DIS3L: variants seen among roughly 807,000 people sequenced by gnomAD.
The protein encoded by DIS3L is DIS3 like exosome 3'-5' exoribonuclease.
In DIS3L, 100 loss-of-function variants were observed where a neutral mutation model predicts 120.3. The observed-to-expected ratio is 0.83, with a 90% CI of 0.71 to 0.98. The LOEUF (loss-of-function observed/expected upper bound fraction) is 0.98, where lower values mean the gene tolerates loss of function less well. Among genes scored for constraint, DIS3L ranks in the 50% least tolerant of loss-of-function variants. The pLI is 0.00. For missense variants in DIS3L, 1,196 were observed against 1,314.2 expected, an observed-to-expected ratio of 0.91 and a Z score of 1.39; for synonymous variants, 426 against 470.6, an observed-to-expected ratio of 0.91 and a Z score of 1.23.
chr15:66,300,489 T>C (rs746711270), intron 2 of DIS3L, among the ~76,000 whole-genome samples: 6 of 152,342 alleles, frequency 3.9e-5, no homozygotes, highest in Non-Finnish European at 8.8e-5. Context: ...GATGGTTGCA[T>C]AACTGTGACT....
intron 14 of DIS3L, chr15:66,329,729 T>C (rs2092979520): frequency 3.0e-6 from 3 of 1,000,842 alleles, no homozygotes; most frequent in African/African-American, 3.5e-5. Context: ...CTGGCCAATA[T>C]GGTGAAACCC....
intron 14 of DIS3L, chr15:66,330,246 G>A (rs2092986049): frequency 1.0e-6 from 1 of 969,590 alleles, no homozygotes; most frequent in South Asian, 4.8e-5. Context: ...GCAGTGAGCT[G>A]AGATTGCACC....
intron 7 of DIS3L, among the ~76,000 whole-genome samples, chr15:66,317,841 TAA>T (rs35644337): frequency 6.1e-5 from 8 of 130,216 alleles, no homozygotes; most frequent in Admixed American, 7.6e-5. Flanking sequence ...TCCTGTTTCT[TAA>T]AAAAAAAAAA....
rs368560114 is a variant in DIS3L, at chr15:66,333,506, G to A, written c.*194G>A. ...AGCACTTTGGGAGGCTGAGGCGGGC[G>A]GATCACGAGGTCAGGAGATTGAGAC... On this transcript the variant is annotated 3_prime_UTR_variant, in exon 17 of 17. Transcript: ENST00000319212. 27 of 481,024 alleles carry A rather than the reference G, an allele frequency of 5.6e-5. No homozygotes were observed. Among genetic ancestry groups the A allele is most frequent in the East Asian group, 1.9e-4 (5 of 26,246 alleles). 29.8% of individuals were successfully genotyped at this position (481,024 alleles called of 1,614,324 possible).
At chr15:66,295,574 G>A (rs781388511) in intron 2 of DIS3L, among the ~76,000 whole-genome samples, 2 of 152,126 alleles carry the variant, frequency 1.3e-5, no homozygotes, top group African/African-American at 2.4e-5. Flanking sequence ...GATGCAAATT[G>A]TACTTGTAAT....
At position 66,326,066 on chromosome 15, in the gene DIS3L, A is replaced by G. The variant is rs375765851; in HGVS notation, c.1903A>G (p.Ile635Val). Reference protein sequence around the residue: ...LVWAIGKLTDIARHVRAKRDG... With the variant: ...LVWAIGKLTDVARHVRAKRDG... ...GTGGGCAATTGGAAAGCTGACCGAC[A>G]TAGCTCGCCATGTCAGAGCTAAACG... Residue 635 changes from isoleucine to valine, a missense_variant, in exon 12 of 17, where the codon ATA becomes GTA. Physicochemically the swap from Ile to Val is conservative, Grantham distance 29. Transcript: ENST00000319212. The G allele has an allele frequency of 1.1e-5, 18 of 1,614,144 alleles. No individual in the cohort carries two copies. The highest frequency in any genetic ancestry group is 1.4e-5 in the Non-Finnish European group (17 of 1,179,968).
chr15:66,295,082 G>A lies in DIS3L; in HGVS notation c.234G>A (p.Leu78=), dbSNP rs575116022. Residue 78 remains leucine, a synonymous_variant, in exon 2 of 17, where the codon TTG becomes TTA. Transcript: ENST00000319212. Reference sequence around the variant, plus strand: ...TTGAGATCCTTGAGTTTCCTGAGTTGAAGGGAATTATTTTCATGCAGACAG... The same window carrying A: ...TTGAGATCCTTGAGTTTCCTGAGTTAAAGGGAATTATTTTCATGCAGACAG... ...DYLEILEFPE[L]KGIIFMQTAC... is the part of the protein sequence containing the mutation. 1.2e-6 allele frequency: 2 copies of A among 1,614,148 alleles called. No homozygotes were observed. The highest frequency in any genetic ancestry group is 2.7e-5 in the African/African-American group (2 of 75,028).
Position 66,322,756 on chromosome 15 carries a change from A to G in DIS3L, c.1396A>G (p.Lys466Glu), listed in dbSNP as rs1340791190. 1 of 1,614,096 alleles carries G rather than the reference A, an allele frequency of 6.2e-7. No individual in the cohort carries two copies. Among genetic ancestry groups the G allele is most frequent in the Admixed American group, 1.7e-5 (1 of 60,002 alleles). ...KVSPEEEQKR[K>E]DLRKSHLVFS... ...GAGTCCTGAAGAGGAACAAAAACGT[A>G]AAGACTTGAGGAAAAGCCATCTCGT... The change falls in exon 10 of 17, where the codon AAA (lysine) becomes GAA (glutamate). Residue 466 changes from lysine to glutamate, a missense_variant. Physicochemically the swap from Lys to Glu is moderately conservative, Grantham distance 56. Transcript: ENST00000319212.
intron 11 of DIS3L, 36 bp downstream of exon 11, chr15:66,323,621 G>C: frequency 6.2e-7 from 1 of 1,606,060 alleles, no homozygotes; most frequent in Non-Finnish European, 8.5e-7. Flanking sequence ...AGCTTGTCCT[G>C]GCCCTTCTGT....
chr15:66,319,535 G>A (rs1417927138), intron 8 of DIS3L, among the ~76,000 whole-genome samples: 2 of 152,196 alleles, frequency 1.3e-5, no homozygotes, highest in African/African-American at 4.8e-5. Context: ...CTGGAGAGAA[G>A]ACATAAACAA....
In DIS3L at chr15:66,318,655, G is replaced by A. The variant is rs530174066; in HGVS notation, c.1164+37G>A. ...TCTACCTCTACTATGGGATCTCTAC[G>A]CTTTCTCCTTCTGTCTTTACCAGCT... On this transcript the variant is annotated intron_variant, in intron 8 of 16. Coordinates refer to ENST00000319212, the MANE Select transcript of DIS3L (RefSeq NM_001143688.3). 1.6e-4 allele frequency: 261 copies of A among 1,596,992 alleles called. 1 individual carries two copies. The South Asian group carries it at 2.7e-3, about 17-fold the overall frequency.
At chr15:66,295,178 G>A (rs1477281795) in intron 2 of DIS3L, 37 bp downstream of exon 2, 5 of 1,584,040 alleles carry the variant, frequency 3.2e-6, no homozygotes, top group Admixed American at 3.4e-5. Flanking sequence ...ATATGGCATA[G>A]GTTCCCCCCA....
In DIS3L at chr15:66,318,369, C is replaced by T. The variant is rs1417504402; in HGVS notation, c.995-80C>T. The T allele has an allele frequency of 6.9e-6, 10 of 1,448,978 alleles. No individual in the cohort carries two copies. In the East Asian group the frequency reaches 2.4e-4, roughly 35 times the overall value. 89.8% of individuals were successfully genotyped at this position (1,448,978 alleles called of 1,614,324 possible). A position where few individuals can be genotyped will look rare whatever the true frequency, so the allele number is the denominator to read the frequency against. On this transcript the variant is annotated intron_variant, in intron 7 of 16. Coordinates refer to ENST00000319212, the MANE Select transcript of DIS3L (RefSeq NM_001143688.3). ...AGGACACTGTATTTCTTGTTCTTTT[C>T]CTTACTGCTTGAGGTGGTCAGAGTC...
intron 8 of DIS3L, 59 bp from the exon 9 acceptor site, chr15:66,320,512 C>A (rs962798732): frequency 6.5e-7 from 1 of 1,537,856 alleles, no homozygotes; most frequent in African/African-American, 1.4e-5. Flanking sequence ...TTTGATGCCT[C>A]TAATTGACCC....
intron 4 of DIS3L, among the ~76,000 whole-genome samples, chr15:66,309,115 G>C (rs1195844680): frequency 4.2e-5 from 2 of 48,166 alleles, no homozygotes; most frequent in Non-Finnish European, 7.9e-5. Context: ...CTCCAAGCAT[G>C]GTGGCACGCA....
In DIS3L at chr15:66,333,665, G is replaced by A. The variant is rs532291990; in HGVS notation, c.*353G>A. The A allele has an allele frequency of 6.4e-6, 1 of 155,134 alleles. No individual in the cohort carries two copies. The highest frequency in any genetic ancestry group is 1.9e-4 in the East Asian group (1 of 5,254). The allele number at this position is 155,134 out of a possible 1,614,324, so 9.6% of individuals were successfully genotyped here. On this transcript the variant is annotated 3_prime_UTR_variant, in exon 17 of 17. Transcript: ENST00000319212. ...AATTGCCTGAACCCAGGAAGAGGAGGTTGCAGTGAGCCGAGATCGCACCAC... is the reference window on the plus strand; with the variant it reads ...AATTGCCTGAACCCAGGAAGAGGAGATTGCAGTGAGCCGAGATCGCACCAC...
At chr15:66,299,966 G>A (rs1169149532) in intron 2 of DIS3L, among the ~76,000 whole-genome samples, 2 of 152,078 alleles carry the variant, frequency 1.3e-5, no homozygotes, top group Non-Finnish European at 2.9e-5. Flanking sequence ...CATGAGAATT[G>A]CTTGAACCTG....
At chr15:66,311,572 G>T in intron 4 of DIS3L, 152 bp from the exon 5 acceptor site, 1 of 838,822 alleles carries the variant, frequency 1.2e-6, no homozygotes, top group Admixed American at 2.4e-5. Context: ...AGTAGAGAAT[G>T]AATGGTGGAG....
intron 14 of DIS3L, chr15:66,330,071 G>C: frequency 1.0e-6 from 1 of 983,256 alleles, no homozygotes; most frequent in South Asian, 4.7e-5. Flanking sequence ...GGGAGGCTGA[G>C]GCAGGTGGAT....
Sources: gnomAD v4.1 joint callset for allele counts (sites outside exome capture counted in the v4.1 genomes callset) on GRCh38, gnomAD v4.1.1 for gene constraint, MANE v1.5 for transcripts, NCBI Gene and HGNC (gene_info 2026-07-23, HGNC 2026-07-21) for gene names.